Variants in SLC9A9 observed in about 807,000 individuals in gnomAD.
The protein encoded by SLC9A9 is solute carrier family 9 member A9.
SLC9A9 carries 62 observed loss-of-function variants against 77.8 expected under a neutral mutation model. The ratio of observed to expected loss-of-function variants is 0.80; its 90% CI spans 0.65 to 0.98. SLC9A9 has a LOEUF of 0.98. SLC9A9 is among the 50% of genes least tolerant of loss of function. The pLI is 0.00. For synonymous variants in SLC9A9, 320 were observed against 283.5 expected, an observed-to-expected ratio of 1.13 and a Z score of -1.29; for missense variants, 775 against 774.9, an observed-to-expected ratio of 1.00 and a Z score of 0.00.
At chr3:143,280,725 A>ATT (rs537188725) in intron 14 of SLC9A9, among the ~76,000 whole-genome samples, 1 of 151,460 alleles carries the variant, frequency 6.6e-6, no homozygotes, top group African/African-American at 2.4e-5. Context: ...TAATTTTTGT[A>ATT]TTTTTTTAGT....
chr3:143,315,118 T>G (rs894176), intron 14 of SLC9A9, among the ~76,000 whole-genome samples: 32,426 of 152,196 alleles, frequency 0.21, 3,739 homozygotes, highest in Middle Eastern at 0.35. Context: ...TGGGCAGTCT[T>G]AGAACATCTG....
At chr3:143,394,026 G>A (rs1353278009) in intron 12 of SLC9A9, among the ~76,000 whole-genome samples, 1 of 152,054 alleles carries the variant, frequency 6.6e-6, no homozygotes, top group Non-Finnish European at 1.5e-5. Flanking sequence ...AGAGGTACAA[G>A]GAGGAGCTGG....
intron 12 of SLC9A9, among the ~76,000 whole-genome samples, chr3:143,393,582 G>T (rs1439893959): frequency 6.6e-6 from 1 of 151,924 alleles, no homozygotes; most frequent in Non-Finnish European, 1.5e-5. Context: ...CTAGCAGAAG[G>T]CAAGAAATAA....
intron 6 of SLC9A9, among the ~76,000 whole-genome samples, chr3:143,634,225 A>G (rs2038476031): frequency 6.6e-6 from 1 of 151,932 alleles, no homozygotes; most frequent in East Asian, 1.9e-4. Flanking sequence ...CCTGAAATCT[A>G]GTGGGTCCTT....
At position 143,471,392 on chromosome 3, in the gene SLC9A9, C is replaced by T. The variant is rs57303979; in HGVS notation, c.1316-4202G>A. Among the ~76,000 whole-genome samples the T allele has an allele frequency of 5.8e-3, 879 of 152,254 alleles. 31 individuals carry two copies. In the East Asian group the frequency reaches 0.1, roughly 18 times the overall value. On this transcript the variant is annotated intron_variant, in intron 11 of 15. Coordinates refer to ENST00000316549, the MANE Select transcript of SLC9A9 (RefSeq NM_173653.4). ...GTATTGATTACCTCCTATGTGGAGG[C>T]TCTGGACATATTGATCCTATCTTCT...
At chr3:143,728,705 C>T (rs1354238102) in intron 4 of SLC9A9, among the ~76,000 whole-genome samples, 5 of 151,780 alleles carry the variant, frequency 3.3e-5, no homozygotes, top group African/African-American at 9.7e-5. Context: ...GTATTGGCTT[C>T]GGGGAGGGAG....
intron 12 of SLC9A9, among the ~76,000 whole-genome samples, chr3:143,388,872 G>A (rs1559893792): frequency 6.6e-6 from 1 of 152,228 alleles, no homozygotes; most frequent in East Asian, 1.9e-4. Flanking sequence ...TGATCAAGAT[G>A]AGCTATGGAG....
intron 5 of SLC9A9, among the ~76,000 whole-genome samples, chr3:143,675,675 T>A (rs1005703249): frequency 6.6e-6 from 1 of 152,214 alleles, no homozygotes; most frequent in East Asian, 1.9e-4. Flanking sequence ...TCCTTTAAGA[T>A]TTTCTCATTA....
intron 14 of SLC9A9, among the ~76,000 whole-genome samples, chr3:143,272,948 A>C (rs139976451): frequency 1.8e-4 from 27 of 152,342 alleles, no homozygotes; most frequent in African/African-American, 6.5e-4. Flanking sequence ...ACTTGCGTGA[A>C]ATAGGAAAGA....
chr3:143,706,903 A>G (rs1372650011), intron 4 of SLC9A9, among the ~76,000 whole-genome samples: 1 of 152,170 alleles, frequency 6.6e-6, no homozygotes, highest in Admixed American at 6.5e-5. Flanking sequence ...GTCCCAGGGA[A>G]GCCAAAAGAT....
chr3:143,463,617 T>C (rs1240666603), intron 12 of SLC9A9, among the ~76,000 whole-genome samples: 1 of 152,202 alleles, frequency 6.6e-6, no homozygotes, highest in African/African-American at 2.4e-5. Flanking sequence ...CGGATTTTAA[T>C]CAAGAAACCA....
intron 14 of SLC9A9, among the ~76,000 whole-genome samples, chr3:143,282,962 A>C (rs770733233): frequency 1.3e-5 from 2 of 152,190 alleles, no homozygotes; most frequent in Non-Finnish European, 2.9e-5. Context: ...GAATTTCTTC[A>C]CTGGGGTTTC....
chr3:143,623,600 G>A (rs1373157286), intron 6 of SLC9A9, among the ~76,000 whole-genome samples: 1 of 152,096 alleles, frequency 6.6e-6, no homozygotes, highest in Admixed American at 6.5e-5. Context: ...GAATCTCTGG[G>A]ACACATTCAA....
chr3:143,544,459 C>T (rs1427106116), intron 9 of SLC9A9, among the ~76,000 whole-genome samples: 2 of 152,100 alleles, frequency 1.3e-5, no homozygotes, highest in Admixed American at 6.5e-5. Context: ...GATCTCCTGA[C>T]CTCGTGATCC....
chr3:143,645,042 G>C (rs980086379), intron 6 of SLC9A9, among the ~76,000 whole-genome samples: 1 of 152,112 alleles, frequency 6.6e-6, no homozygotes, highest in African/African-American at 2.4e-5. Flanking sequence ...CACTAATGAG[G>C]GTTTCTAACA....
intron 14 of SLC9A9, among the ~76,000 whole-genome samples, chr3:143,311,349 G>T (rs1275682009): frequency 6.6e-6 from 1 of 152,170 alleles, no homozygotes; most frequent in Non-Finnish European, 1.5e-5. Context: ...GAGGTATGTG[G>T]TTCCCATTTT....
intron 9 of SLC9A9, among the ~76,000 whole-genome samples, chr3:143,520,932 C>T (rs774343571): frequency 9.2e-5 from 14 of 152,180 alleles, no homozygotes; most frequent in Non-Finnish European, 1.5e-4. Context: ...TAATGGGTAG[C>T]TTATCTCCTA....
intron 5 of SLC9A9, among the ~76,000 whole-genome samples, chr3:143,678,366 G>A (rs565916324): frequency 6.6e-5 from 10 of 152,134 alleles, no homozygotes; most frequent in African/African-American, 2.4e-4. Flanking sequence ...GTTAAGAAGA[G>A]TCTCTATATC....
intron 12 of SLC9A9, among the ~76,000 whole-genome samples, chr3:143,413,872 C>G (rs2108521841): frequency 6.6e-6 from 1 of 152,244 alleles, no homozygotes; most frequent in South Asian, 2.1e-4. Flanking sequence ...ATGCTCTAAG[C>G]AGTCTTACGT....
Sources: allele counts gnomAD v4.1 joint callset (sites outside exome capture counted in the v4.1 genomes callset), GRCh38; gene constraint gnomAD v4.1.1; transcripts MANE v1.5; gene names NCBI Gene and HGNC (gene_info 2026-07-23, HGNC 2026-07-21).